The following IQGAP3 variants were observed in gnomAD, a reference collection of about 807,000 sequenced individuals.
IQGAP3 encodes the protein ras GTPase-activating-like protein IQGAP3.
A neutral mutation model predicts 208.2 loss-of-function variants in IQGAP3; 165 were observed. That is an observed-to-expected ratio of 0.79 (90% CI 0.70 to 0.90). The LOEUF (loss-of-function observed/expected upper bound fraction) is 0.90, where lower values mean the gene tolerates loss of function less well. Ranked by LOEUF, IQGAP3 falls within the 40% of genes least tolerant of loss-of-function variation. IQGAP3 has a pLI of 0.00. For missense variants in IQGAP3, 1,811 were observed against 2,043.1 expected (o/e 0.89, Z 2.19); for synonymous variants, 703 against 803.6 (o/e 0.87, Z 2.12).
rs1224151483 is a variant in IQGAP3 at position 156,548,701 on chromosome 1, C to T, written c.1873G>A (p.Ala625Thr). The T allele has an allele frequency of 3.1e-6, 5 of 1,603,516 alleles. No homozygotes were observed. The highest frequency in any genetic ancestry group is 3.4e-6 in the Non-Finnish European group (4 of 1,173,984). The change falls in exon 17 of 38, where the codon GCA (alanine) becomes ACA (threonine). Residue 625 changes from alanine to threonine, a missense_variant. Transcript: ENST00000361170. ...CTCAACACCCGCTCAGTCTGGGCTG[C>T]CTTGCCCTCCTTGATGGCTTGATTG... ...AINQAIKEGK[A>T]AQTERVLRNP...
In IQGAP3 at chr1:156,566,111, G is replaced by A. The variant is rs1022791547; in HGVS notation, c.283-7C>T. The A allele has an allele frequency of 6.2e-7, 1 of 1,612,942 alleles. No individual in the cohort carries two copies. Among genetic ancestry groups the A allele is most frequent in the African/African-American group, 1.3e-5 (1 of 74,882 alleles). On this transcript the variant is annotated splice_polypyrimidine_tract_variant and splice_region_variant and intron_variant, in intron 3 of 37. Coordinates refer to ENST00000361170, the MANE Select transcript of IQGAP3 (RefSeq NM_178229.5). ...GGAAATGTAAGCCAGTTGCCTGAAA[G>A]GGAAGGAAAAAGAAAATCTATTTCC... is the stretch of plus-strand genomic sequence containing the variant.
intron 1 of IQGAP3, 70 bp from the exon 2 acceptor site, chr1:156,569,533 T>C: frequency 2.8e-6 from 2 of 715,944 alleles, no homozygotes; most frequent in Non-Finnish European, 4.2e-6. Context: ...AGGGTCTTTT[T>C]TTTTTTTTTT....
chr1:156,561,077 T>G, intron 10 of IQGAP3, 56 bp from the exon 11 acceptor site: 1 of 1,311,280 alleles, frequency 7.6e-7, no homozygotes, highest in Admixed American at 1.7e-5. Context: ...ATGACCATGC[T>G]TTACGAGTTG....
At chr1:156,556,818 T>C in intron 11 of IQGAP3, 125 bp from the exon 12 acceptor site, 1 of 883,476 alleles carries the variant, frequency 1.1e-6, no homozygotes, top group Non-Finnish European at 1.6e-6. Context: ...CTCTCAAAAA[T>C]CTGCTAGGTT....
intron 13 of IQGAP3, among the ~76,000 whole-genome samples, chr1:156,552,945 G>A (rs763113827): frequency 6.6e-6 from 1 of 152,184 alleles, no homozygotes; most frequent in Non-Finnish European, 1.5e-5. Context: ...ATGGTGGCAT[G>A]TGCCTGTAGT....
rs746109955 is a variant in IQGAP3, at chr1:156,569,472, T to C, written c.38-9A>G. On this transcript the variant is annotated splice_polypyrimidine_tract_variant and intron_variant, in intron 1 of 37. Transcript: ENST00000361170. ...AGCTGTGAGGCGTTCATCTGAGGAG[T>C]TAAACGGGATAAGGTCAATGAAGAG... 6.3e-7 allele frequency: 1 copy of C among 1,581,508 alleles called. No individual in the cohort carries two copies. Among genetic ancestry groups the C allele is most frequent in the Admixed American group, 1.7e-5 (1 of 58,700 alleles).
Position 156,566,559 on chromosome 1 carries a change from GAA to G in IQGAP3, c.126-15_126-14del. ...GGCCTCCATCCAGCTATGAACATGA[GAA>G]CACCTTCTCACGCACTCTGGCAGAC... On this transcript the variant is annotated splice_polypyrimidine_tract_variant and intron_variant, in intron 2 of 37. Coordinates refer to ENST00000361170, the MANE Select transcript of IQGAP3 (RefSeq NM_178229.5). 1 of 1,613,486 alleles carries G rather than the reference GAA, an allele frequency of 6.2e-7. No homozygotes were observed. Among genetic ancestry groups the G allele is most frequent in the Non-Finnish European group, 8.5e-7 (1 of 1,179,642 alleles).
intron 7 of IQGAP3, 50 bp downstream of exon 7, chr1:156,563,503 C>G: frequency 6.7e-7 from 1 of 1,498,378 alleles, no homozygotes; most frequent in Non-Finnish European, 9.2e-7. Context: ...GCTTGGAGCC[C>G]TCCCATACGC....
rs1675561503 is a variant in IQGAP3 at position 156,551,823 on chromosome 1, C to A, written c.1616G>T (p.Ser539Ile). The change falls in exon 15 of 38, where the codon AGC becomes ATC. Residue 539 changes from serine to isoleucine, a missense_variant. Coordinates refer to ENST00000361170, the MANE Select transcript of IQGAP3 (RefSeq NM_178229.5). ...TAGGGCAGACAGAGTCTTCTCAGGG[C>A]TGCCTTTGTCCAGAGCCTCATTGAT... Reference protein sequence around the residue: ...SLINEALDKGSPEKTLSALLL... With the variant: ...SLINEALDKGIPEKTLSALLL... The A allele has an allele frequency of 6.2e-7, 1 of 1,613,370 alleles. No individual in the cohort carries two copies. The highest frequency in any genetic ancestry group is 2.2e-5 in the East Asian group (1 of 44,868).
chr1:156,549,583 TG>T (rs1168595775), intron 16 of IQGAP3, among the ~76,000 whole-genome samples: 1 of 151,826 alleles, frequency 6.6e-6, no homozygotes, highest in African/African-American at 2.4e-5. Flanking sequence ...TTGCAGTGAA[TG>T]GAGATCACAG....
intron 2 of IQGAP3, 34 bp downstream of exon 2, chr1:156,569,342 G>T: frequency 1.4e-6 from 2 of 1,415,168 alleles, no homozygotes; most frequent in Non-Finnish European, 2.0e-6. Context: ...GAAAGGGAGA[G>T]CAGAAAGAGT....
At chr1:156,536,598 G>A (rs1466971790) in intron 27 of IQGAP3, among the ~76,000 whole-genome samples, 1 of 152,146 alleles carries the variant, frequency 6.6e-6, no homozygotes, top group Non-Finnish European at 1.5e-5. Flanking sequence ...ATAATGTGTT[G>A]TATATCTCAA....
rs1360526455 is a variant in IQGAP3, at chr1:156,551,851, G to A, written c.1588C>T (p.Leu530Phe). 1 of 1,608,286 alleles carries A rather than the reference G, an allele frequency of 6.2e-7. No individual in the cohort carries two copies. The highest frequency in any genetic ancestry group is 1.3e-5 in the African/African-American group (1 of 74,840). ...EETDRVLAVS[L>F]INEALDKGSP... ...CCTTTGTCCAGAGCCTCATTGATGA[G>A]GCTGACTGCAAGGACCCCTAAGAAA... The change falls in exon 15 of 38, where the codon CTC (leucine) becomes TTC (phenylalanine). Residue 530 changes from leucine (L) to phenylalanine (F), a missense_variant. By Grantham distance (22) the Leu-to-Phe change is conservative. Coordinates refer to ENST00000361170, the MANE Select transcript of IQGAP3 (RefSeq NM_178229.5).
At position 156,566,021 on chromosome 1, in the gene IQGAP3, T is replaced by C. The variant is rs1407146444; in HGVS notation, c.360+6A>G. 6.2e-7 allele frequency: 1 copy of C among 1,608,452 alleles called. No homozygotes were observed. The highest frequency in any genetic ancestry group is 8.5e-7 in the Non-Finnish European group (1 of 1,174,976). On this transcript the variant is annotated splice_donor_region_variant and intron_variant, in intron 4 of 37. Transcript: ENST00000361170. ...GATGAATACCAATCTTCAGGCCCAG[T>C]ATTACCGAAGGCAGACCGATGTGGG...
At chr1:156,536,936 C>T (rs1674715523) in intron 27 of IQGAP3, 1 of 361,768 alleles carries the variant, frequency 2.8e-6, no homozygotes, top group African/African-American at 2.1e-5. Flanking sequence ...TTTTAGGGTC[C>T]CTCCTCTGGT....
rs145156876 is a variant in IQGAP3 at position 156,540,382 on chromosome 1, T to C, written c.2739+326A>G. On this transcript the variant is annotated intron_variant, in intron 23 of 37. Transcript: ENST00000361170. ...ACAGCTTTCATATCTGTCTCTATAT[T>C]TGGCCTGGAGAGGTGGACATTCTCA... is the stretch of plus-strand genomic sequence containing the variant. Among the ~76,000 whole-genome samples, 964 of 152,314 alleles carry C rather than the reference T, an allele frequency of 6.3e-3. 18 individuals are homozygous for C. Among genetic ancestry groups the C allele is most frequent in the African/African-American group, 0.022 (917 of 41,570 alleles).
chr1:156,531,365 A>G (rs1674393284), intron 32 of IQGAP3, 118 bp from the exon 33 acceptor site: 1 of 757,814 alleles, frequency 1.3e-6, no homozygotes, highest in Non-Finnish European at 2.4e-6. Flanking sequence ...CTGCTAGGAT[A>G]TAAGGAGAGA....
chr1:156,548,153 G>A lies in IQGAP3; in HGVS notation c.2224C>T (p.Arg742Cys), dbSNP rs768155797. Residue 742 changes from arginine to cysteine, a missense_variant, in exon 19 of 38, where the codon CGT (arginine) becomes TGT (cysteine). Physicochemically the swap from Arg to Cys is radical, Grantham distance 180. Transcript: ENST00000361170. ...AACTTCTGCCGAACTAGGAAGCCAC[G>A]GAGGCGGGCCTGGAGCTGGATAACA... is the stretch of plus-strand genomic sequence containing the variant. ...GFVIQLQARL[R>C]GFLVRQKFAE... 5.9e-5 allele frequency: 95 copies of A among 1,613,966 alleles called. 1 individual carries two copies. Among genetic ancestry groups the A allele is most frequent in the South Asian group, 9.9e-5 (9 of 91,078 alleles).
At chr1:156,561,732 G>T in intron 10 of IQGAP3, 106 bp downstream of exon 10, 1 of 1,104,618 alleles carries the variant, frequency 9.1e-7, no homozygotes, top group Non-Finnish European at 1.3e-6. Flanking sequence ...CACGTAGTCA[G>T]CACTTACAGA....
Sources: allele counts gnomAD v4.1 joint callset (sites outside exome capture counted in the v4.1 genomes callset), GRCh38; gene constraint gnomAD v4.1.1; transcripts MANE v1.5; gene names NCBI Gene and HGNC (gene_info 2026-07-23, HGNC 2026-07-21).